The following ZNF420 variants were observed in gnomAD, a reference collection of about 807,000 sequenced individuals.
ZNF420 encodes the protein ATM and p53-associated KZNF protein.
Under a neutral mutation model 44.7 loss-of-function variants are expected in ZNF420, and 31 were observed. The observed-to-expected ratio is 0.69, with a 90% CI of 0.52 to 0.94. ZNF420 has a LOEUF of 0.94. Ranked by LOEUF, ZNF420 falls within the 40% of genes least tolerant of loss-of-function variation. The pLI is 0.00. For missense variants in ZNF420, 681 were observed against 827.9 expected (o/e 0.82, Z 2.18); for synonymous variants, 245 against 267.4 (o/e 0.92, Z 0.82).
At chr19:37,123,438 G>GTCTC (rs1419953550) in intron 4 of ZNF420, among the ~76,000 whole-genome samples, 1 of 151,930 alleles carries the variant, frequency 6.6e-6, no homozygotes, top group Non-Finnish European at 1.5e-5. Context: ...TGAAGGCCTT[G>GTCTC]TCTCTTGAAT....
rs1363179211 is a variant in ZNF420, at chr19:37,089,831, A to AAAATGTTC, written c.9+709_9+716dup. ...AATACTTACAAGATTTTTACAACCT[A>AAAATGTTC]AAATGTTCAAATATGAGCACTTATT... On this transcript the variant is annotated intron_variant, in intron 3 of 4. Transcript: ENST00000337995. 2.6e-5 allele frequency among the ~76,000 whole-genome samples: 4 copies of AAAATGTTC among 152,310 alleles called. No individual in the cohort carries two copies. In the East Asian group the frequency reaches 7.7e-4, roughly 29 times the overall value.
At chr19:37,064,835 T>C (rs1173189258) in intron 1 of ZNF420, among the ~76,000 whole-genome samples, 1 of 152,098 alleles carries the variant, frequency 6.6e-6, no homozygotes, top group African/African-American at 2.4e-5. Context: ...GTTGGGGTGA[T>C]CAGACCCAAC....
intron 1 of ZNF420, among the ~76,000 whole-genome samples, chr19:37,015,995 G>A (rs1011175248): frequency 5.9e-5 from 9 of 152,150 alleles, no homozygotes; most frequent in African/African-American, 2.2e-4. Context: ...GTTAGTTGAG[G>A]ATGACCTTTC....
chr19:37,127,670 G>C lies in ZNF420; in HGVS notation c.679G>C (p.Glu227Gln). ...TGGTGAAAAACCATATAAATGTGAAGAATGTGGGAAAGCCTTTATTCGTAG... is the reference window on the plus strand; with the variant it reads ...TGGTGAAAAACCATATAAATGTGAACAATGTGGGAAAGCCTTTATTCGTAG... The part of the protein sequence containing the change: ...HTGEKPYKCE[E>Q]CGKAFIRSSQ... The change falls in exon 5 of 5, where the codon GAA (glutamate) becomes CAA (glutamine). Residue 227 changes from glutamate to glutamine, a missense_variant. Glu to Gln is a conservative substitution (Grantham distance 29). Around this residue, in one of 3 missense-constraint regions of ZNF420, gnomAD observed 350 missense variants for 382.5 expected, o/e 0.92. Transcript: ENST00000337995. The C allele has an allele frequency of 1.9e-6, 3 of 1,613,932 alleles. No individual in the cohort carries two copies. Among genetic ancestry groups the C allele is most frequent in the Non-Finnish European group, 1.7e-6 (2 of 1,179,884 alleles).
At chr19:37,010,626 G>A (rs1332787516) in intron 1 of ZNF420, among the ~76,000 whole-genome samples, 1 of 151,976 alleles carries the variant, frequency 6.6e-6, no homozygotes, top group Non-Finnish European at 1.5e-5. Flanking sequence ...GCATCAAAAA[G>A]CGATTTCTTG....
chr19:37,102,934 GT>G (rs1969862448), intron 4 of ZNF420, among the ~76,000 whole-genome samples: 1 of 151,866 alleles, frequency 6.6e-6, no homozygotes. Flanking sequence ...AATAATTTTG[GT>G]ATTTTGATTT....
intron 2 of ZNF420, among the ~76,000 whole-genome samples, chr19:37,082,915 C>T (rs1968542685): frequency 6.6e-6 from 1 of 152,160 alleles, no homozygotes. Flanking sequence ...ATCAAAAGTA[C>T]AGAATAAGAT....
intron 1 of ZNF420, among the ~76,000 whole-genome samples, chr19:37,064,047 G>A (rs765397638): frequency 1.3e-5 from 2 of 152,034 alleles, no homozygotes; most frequent in Non-Finnish European, 2.9e-5. Context: ...TCATGATAAG[G>A]TTCCGAGTTG....
chr19:37,035,748 A>G (rs540983026), intron 1 of ZNF420, among the ~76,000 whole-genome samples: 1 of 152,294 alleles, frequency 6.6e-6, no homozygotes, highest in Non-Finnish European at 1.5e-5. Flanking sequence ...AAGTGGAGAA[A>G]ACATATGTAA....
intron 1 of ZNF420, among the ~76,000 whole-genome samples, chr19:37,010,717 G>A (rs567999290): frequency 1.3e-5 from 2 of 152,118 alleles, no homozygotes; most frequent in Admixed American, 1.3e-4. Flanking sequence ...TTTCGCGGCA[G>A]TTCCACTTTG....
chr19:37,084,356 T>A (rs1968638182), intron 2 of ZNF420, among the ~76,000 whole-genome samples: 1 of 152,196 alleles, frequency 6.6e-6, no homozygotes, highest in South Asian at 2.1e-4. Context: ...AGAGATTTTT[T>A]TTCATTTTGA....
intron 4 of ZNF420, among the ~76,000 whole-genome samples, chr19:37,117,040 A>G (rs1970732389): frequency 6.6e-6 from 1 of 152,218 alleles, no homozygotes; most frequent in African/African-American, 2.4e-5. Flanking sequence ...GGGCACAGAC[A>G]AACAAAAAGA....
At position 37,089,077 on chromosome 19, in the gene ZNF420, A is replaced by G. The variant is rs1568448204; in HGVS notation, c.-42A>G. The G allele has an allele frequency of 6.2e-7, 1 of 1,605,490 alleles. No homozygotes were observed. The highest frequency in any genetic ancestry group is 8.5e-7 in the Non-Finnish European group (1 of 1,172,076). ...AGACTCTGTGCTTTCCTAAGATAGG[A>G]ACCCAGAAGAGGACTGATCATTTCT... On this transcript the variant is annotated 5_prime_UTR_variant, in exon 3 of 5. Coordinates refer to ENST00000337995, the MANE Select transcript of ZNF420 (RefSeq NM_144689.5).
At chr19:37,044,222 A>T (rs1325989871) in intron 1 of ZNF420, among the ~76,000 whole-genome samples, 1 of 152,208 alleles carries the variant, frequency 6.6e-6, no homozygotes, top group Non-Finnish European at 1.5e-5. Context: ...CCACATTTTA[A>T]CAGCCAAGGA....
At chr19:37,089,177 T>C in intron 3 of ZNF420, 50 bp downstream of exon 3, 1 of 1,516,248 alleles carries the variant, frequency 6.6e-7, no homozygotes. Flanking sequence ...TTACAGAGCA[T>C]GTGTGTGTTT....
At chr19:37,112,987 A>C (rs1382065232) in intron 4 of ZNF420, among the ~76,000 whole-genome samples, 1 of 152,104 alleles carries the variant, frequency 6.6e-6, no homozygotes, top group Non-Finnish European at 1.5e-5. Flanking sequence ...GGCCGGGGAC[A>C]GTTGCTGTAT....
intron 4 of ZNF420, among the ~76,000 whole-genome samples, chr19:37,098,866 ACTG>A (rs1020014215): frequency 3.0e-4 from 45 of 152,056 alleles, no homozygotes; most frequent in African/African-American, 1.0e-3. Context: ...TCTGGTAACC[ACTG>A]TTCTACTCTC....
At chr19:37,010,114 C>A (rs1266613468) in intron 1 of ZNF420, among the ~76,000 whole-genome samples, 1 of 152,198 alleles carries the variant, frequency 6.6e-6, no homozygotes. Flanking sequence ...CAGTGATTCC[C>A]ACAGTTGCCT....
chr19:37,044,424 G>A (rs1333633735), intron 1 of ZNF420, among the ~76,000 whole-genome samples: 1 of 152,210 alleles, frequency 6.6e-6, no homozygotes, highest in African/African-American at 2.4e-5. Flanking sequence ...TAATCTGAGA[G>A]CTGGAAGGAC....
Sources: allele counts gnomAD v4.1 joint callset (sites outside exome capture counted in the v4.1 genomes callset), GRCh38; gene constraint gnomAD v4.1.1; regional missense constraint gnomAD v4.1.1; transcripts MANE v1.5; gene names NCBI Gene and HGNC (gene_info 2026-07-23, HGNC 2026-07-21).